Variants in SLAIN2 observed in about 807,000 individuals in gnomAD.
SLAIN2 encodes SLAIN motif-containing protein 2.
A neutral mutation model predicts 56.6 loss-of-function variants in SLAIN2; 31 were observed. The ratio of observed to expected loss-of-function variants is 0.55; its 90% CI spans 0.41 to 0.74. The LOEUF (loss-of-function observed/expected upper bound fraction) is 0.74. SLAIN2 is among the 30% of genes least tolerant of loss of function. The pLI, the probability that SLAIN2 is intolerant of heterozygous loss-of-function variation, is 0.00. For missense variants in SLAIN2, 777 were observed against 754.2 expected (o/e 1.03, Z -0.35); for synonymous variants, 317 against 284.9 (o/e 1.11, Z -1.13).
chr4:48,407,943 T>C (rs771077737), intron 6 of SLAIN2, among the ~76,000 whole-genome samples: 2 of 152,218 alleles, frequency 1.3e-5, no homozygotes, highest in Admixed American at 6.5e-5. Context: ...AATGGAATTA[T>C]ACAATATATG....
intron 6 of SLAIN2, among the ~76,000 whole-genome samples, chr4:48,401,467 G>A (rs1043622928): frequency 3.3e-5 from 5 of 152,076 alleles, no homozygotes; most frequent in African/African-American, 1.2e-4. Context: ...CCTGTATTGG[G>A]TTACATATAT....
intron 6 of SLAIN2, among the ~76,000 whole-genome samples, chr4:48,403,820 C>T (rs190579360): frequency 4.8e-4 from 73 of 152,310 alleles, no homozygotes; most frequent in Admixed American, 1.2e-3. Flanking sequence ...ACTGGGTCTC[C>T]GTGAGTGCCT....
At chr4:48,352,745 G>A (rs1458801956) in intron 1 of SLAIN2, among the ~76,000 whole-genome samples, 2 of 152,156 alleles carry the variant, frequency 1.3e-5, no homozygotes, top group East Asian at 1.9e-4. Context: ...AATAAGTTTC[G>A]TATTCTAGTT....
At chr4:48,418,997 A>G (rs1432921127) in intron 6 of SLAIN2, among the ~76,000 whole-genome samples, 2 of 152,184 alleles carry the variant, frequency 1.3e-5, no homozygotes, top group African/African-American at 2.4e-5. Context: ...TGGATATGCT[A>G]CAAATTGTTT....
In SLAIN2 at chr4:48,424,787, A is replaced by C. The variant is rs1198169020; in HGVS notation, c.*2710A>C. The stretch of plus-strand genomic sequence containing the variant: ...TTTATAAAAAAAAAAAGTTTTTTTG[A>C]AAGAAAATTAGATACATATGTGGCC... On this transcript the variant is annotated 3_prime_UTR_variant, in exon 8 of 8. Transcript: ENST00000264313. The C allele has an allele frequency of 6.6e-6, 1 of 151,936 alleles. No individual in the cohort carries two copies. The highest frequency in any genetic ancestry group is 1.5e-5 in the Non-Finnish European group (1 of 67,924). The allele number at this position is 151,936 out of a possible 1,614,324, so 9.4% of individuals were successfully genotyped here. A position where few individuals can be genotyped will look rare whatever the true frequency, so the allele number is the denominator to read the frequency against.
At position 48,385,558 on chromosome 4, in the gene SLAIN2, C is replaced by T. The variant is rs567484226; in HGVS notation, c.1360+1774C>T. 2.8e-4 allele frequency among the ~76,000 whole-genome samples: 42 copies of T among 152,218 alleles called. No individual in the cohort carries two copies. In the South Asian group the frequency reaches 8.5e-3, roughly 31 times the overall value. Reference sequence around the variant, plus strand: ...GAAGTGATACAAACGAGTTTGTTGACTGTTCACTTATAACTTGTTTATTAA... The same window carrying T: ...GAAGTGATACAAACGAGTTTGTTGATTGTTCACTTATAACTTGTTTATTAA... On this transcript the variant is annotated intron_variant, in intron 6 of 7. Coordinates refer to ENST00000264313, the MANE Select transcript of SLAIN2 (RefSeq NM_020846.2).
In SLAIN2 at chr4:48,413,391, C is replaced by T. The variant is rs557074563; in HGVS notation, c.1361-6734C>T. 2.0e-5 allele frequency among the ~76,000 whole-genome samples: 3 copies of T among 152,274 alleles called. No homozygotes were observed. In the South Asian group the frequency reaches 6.2e-4, roughly 32 times the overall value. On this transcript the variant is annotated intron_variant, in intron 6 of 7. Coordinates refer to ENST00000264313, the MANE Select transcript of SLAIN2 (RefSeq NM_020846.2). ...TTGACTTCTGTGGTTGTGGTAATTT[C>T]CCTTATCCATGAAGTGAGAGGGTTA...
Position 48,425,894 on chromosome 4 carries a change from T to C in SLAIN2, c.*3817T>C, listed in dbSNP as rs1717286548. On this transcript the variant is annotated 3_prime_UTR_variant, in exon 8 of 8. Transcript: ENST00000264313. ...TACTGTAATACAAACTGGTTAAAAC[T>C]ATGTTAACTGAATGCTAGTTTGAAA... is the stretch of plus-strand genomic sequence containing the variant. The C allele has an allele frequency of 6.6e-6, 1 of 152,206 alleles. No homozygotes were observed. Among genetic ancestry groups the C allele is most frequent in the East Asian group, 1.9e-4 (1 of 5,202 alleles). The allele number at this position is 152,206 out of a possible 1,614,324, so 9.4% of individuals were successfully genotyped here. A position where few individuals can be genotyped will look rare whatever the true frequency, so the allele number is the denominator to read the frequency against.
intron 1 of SLAIN2, among the ~76,000 whole-genome samples, chr4:48,361,813 T>A: frequency 1.8e-5 from 2 of 109,550 alleles, no homozygotes; most frequent in East Asian, 4.9e-4. Flanking sequence ...ACATGGTGTA[T>A]TTTTTCATAT....
intron 6 of SLAIN2, among the ~76,000 whole-genome samples, chr4:48,412,113 A>G (rs1716872197): frequency 6.6e-6 from 1 of 152,164 alleles, no homozygotes; most frequent in African/African-American, 2.4e-5. Context: ...TTTCCTCACT[A>G]GACACTCTAA....
At chr4:48,382,133 A>T (rs1257187801) in intron 4 of SLAIN2, among the ~76,000 whole-genome samples, 1 of 152,186 alleles carries the variant, frequency 6.6e-6, no homozygotes, top group Non-Finnish European at 1.5e-5. Context: ...CATGAGTAAG[A>T]TTATTTCAGT....
At chr4:48,358,258 T>C (rs1407052614) in intron 1 of SLAIN2, among the ~76,000 whole-genome samples, 3 of 152,144 alleles carry the variant, frequency 2.0e-5, no homozygotes, top group Non-Finnish European at 4.4e-5. Context: ...AAGCAGTGCC[T>C]GACATGTAAT....
At chr4:48,401,314 A>G (rs975829955) in intron 6 of SLAIN2, among the ~76,000 whole-genome samples, 2 of 152,278 alleles carry the variant, frequency 1.3e-5, no homozygotes. Context: ...AGCTGGGTTC[A>G]GGTCCTAATA....
At chr4:48,371,874 G>C (rs1415208292) in intron 2 of SLAIN2, among the ~76,000 whole-genome samples, 1 of 151,994 alleles carries the variant, frequency 6.6e-6, no homozygotes, top group African/African-American at 2.4e-5. Context: ...AGCCCAGGAA[G>C]TTGTTGCAGT....
At chr4:48,408,947 T>C (rs1193560107) in intron 6 of SLAIN2, among the ~76,000 whole-genome samples, 2 of 152,212 alleles carry the variant, frequency 1.3e-5, no homozygotes, top group Non-Finnish European at 2.9e-5. Context: ...TGTTTAGATA[T>C]GTTTGGATAT....
At chr4:48,411,769 A>AT (rs145470137) in intron 6 of SLAIN2, among the ~76,000 whole-genome samples, 2,891 of 152,172 alleles carry the variant, frequency 0.019, 98 homozygotes, top group African/African-American at 0.066. Context: ...TCTGTTCAGC[A>AT]TTTTTTTGTA....
intron 4 of SLAIN2, among the ~76,000 whole-genome samples, chr4:48,380,408 T>G (rs1388901928): frequency 1.3e-5 from 2 of 152,096 alleles, no homozygotes; most frequent in Admixed American, 1.3e-4. Context: ...TCTCCTCACT[T>G]GAGAATACAT....
At chr4:48,364,574 A>G (rs1348880853) in intron 1 of SLAIN2, among the ~76,000 whole-genome samples, 50 of 93,276 alleles carry the variant, frequency 5.4e-4, no homozygotes, top group African/African-American at 1.7e-3. Flanking sequence ...ACTGCACTCC[A>G]GCCTGGGCAC....
intron 2 of SLAIN2, among the ~76,000 whole-genome samples, chr4:48,374,152 G>A (rs1370717276): frequency 2.0e-5 from 3 of 152,216 alleles, no homozygotes; most frequent in Non-Finnish European, 4.4e-5. Flanking sequence ...AGTAAGGAAA[G>A]GAGAGATGTG....
Sources: gnomAD v4.1 joint callset for allele counts (sites outside exome capture counted in the v4.1 genomes callset) on GRCh38, gnomAD v4.1.1 for gene constraint, MANE v1.5 for transcripts, NCBI Gene and HGNC (gene_info 2026-07-23, HGNC 2026-07-21) for gene names.